ARHGEF12: variants seen among roughly 807,000 people sequenced by gnomAD.
ARHGEF12 encodes KMT2A/ARHGEF12 fusion protein.
ARHGEF12 carries 66 observed loss-of-function variants against 211.2 expected under a neutral mutation model. The ratio of observed to expected loss-of-function variants is 0.31; its 90% CI spans 0.26 to 0.38. The LOEUF is 0.38. Among genes scored for constraint, ARHGEF12 ranks in the 10% least tolerant of loss-of-function variants. ARHGEF12 has a pLI of 1.00. For missense variants in ARHGEF12, 1,429 were observed against 1,869.5 expected (o/e 0.76, Z 4.34); for synonymous variants, 592 against 638.4 (o/e 0.93, Z 1.09).
rs144711858 is a variant in ARHGEF12 at position 120,478,898 on chromosome 11, C to T, written c.3766+509C>T. Among the ~76,000 whole-genome samples the T allele has an allele frequency of 7.0e-3, 1,069 of 152,274 alleles. 17 individuals carry two copies. The highest frequency in any genetic ancestry group is 0.024 in the African/African-American group (1,007 of 41,536). ...GTCATCAAATGCTTAAAATAATTGA[C>T]TTCTTTGAATGTGAGGTCAAAGGAA... On this transcript the variant is annotated intron_variant, in intron 37 of 40. Coordinates refer to ENST00000397843, the MANE Select transcript of ARHGEF12 (RefSeq NM_015313.3).
At chr11:120,375,534 G>A (rs976068553) in intron 1 of ARHGEF12, among the ~76,000 whole-genome samples, 10 of 147,526 alleles carry the variant, frequency 6.8e-5, no homozygotes, top group South Asian at 2.1e-4. Flanking sequence ...AGTGTTCCAA[G>A]TTCTGATGGG....
chr11:120,446,483 G>C lies in ARHGEF12; in HGVS notation c.1426G>C (p.Val476Leu), dbSNP rs752848440. The change falls in exon 17 of 41, where the codon GTT (valine) becomes CTT (leucine). Residue 476 changes from valine to leucine, a missense_variant. Physicochemically the swap from Val to Leu is conservative, Grantham distance 32. Coordinates refer to ENST00000397843, the MANE Select transcript of ARHGEF12 (RefSeq NM_015313.3). ...QTMQERVHPE[V>L]QRHLEDFRQK... ...TATGCAAGAAAGAGTCCATCCAGAA[G>C]TTCAAAGGCACTTAGAAGATTTTCG... is the stretch of plus-strand genomic sequence containing the variant. The C allele has an allele frequency of 6.2e-7, 1 of 1,613,124 alleles. No homozygotes were observed. The highest frequency in any genetic ancestry group is 8.5e-7 in the Non-Finnish European group (1 of 1,179,562).
intron 1 of ARHGEF12, among the ~76,000 whole-genome samples, chr11:120,342,150 T>G (rs547044233): frequency 2.0e-5 from 3 of 152,300 alleles, no homozygotes; most frequent in East Asian, 1.9e-4. Context: ...ATTATTGTCT[T>G]TCTTTGTACT....
At chr11:120,392,615 C>T (rs116773617) in intron 1 of ARHGEF12, among the ~76,000 whole-genome samples, 1,974 of 152,276 alleles carry the variant, frequency 0.013, 50 homozygotes, top group African/African-American at 0.046. Flanking sequence ...ACGTAGGCTT[C>T]AGAGATTTTT....
Position 120,431,818 on chromosome 11 carries a change from A to G in ARHGEF12, c.831A>G (p.Thr277=). The G allele has an allele frequency of 6.2e-7, 1 of 1,614,026 alleles. No homozygotes were observed. Among genetic ancestry groups the G allele is most frequent in the Non-Finnish European group, 8.5e-7 (1 of 1,179,918 alleles). Residue 277 remains threonine (T), a synonymous_variant, in exon 11 of 41, where the codon ACA becomes ACG. Transcript: ENST00000397843. ...TPSRPLGDTL[T]VSEAETDPGD... ...CCAGACCTTTAGGGGACACCCTAAC[A>G]GTCAGTGAGGCAGAAACAGATCCTG... is the stretch of plus-strand genomic sequence containing the variant.
intron 1 of ARHGEF12, among the ~76,000 whole-genome samples, chr11:120,350,376 A>G (rs866193727): frequency 3.9e-5 from 6 of 152,202 alleles, no homozygotes; most frequent in African/African-American, 1.2e-4. Flanking sequence ...TTAGCCGAGT[A>G]TGGTGGTGGG....
chr11:120,458,396 G>A (rs1273162320), intron 25 of ARHGEF12, 162 bp downstream of exon 25: 32 of 684,174 alleles, frequency 4.7e-5, no homozygotes, highest in East Asian at 9.5e-5. Context: ...TCAAGAAAAT[G>A]CAAATGTTTC....
intron 22 of ARHGEF12, among the ~76,000 whole-genome samples, chr11:120,452,823 C>T (rs1565493372): frequency 1.3e-5 from 2 of 151,930 alleles, no homozygotes; most frequent in Admixed American, 6.6e-5. Flanking sequence ...TGGTGAAACC[C>T]GGTCTCTACT....
In ARHGEF12 at chr11:120,485,926, T is replaced by C. The variant is rs1947385678; in HGVS notation, c.*849T>C. ...GGGTGGGAGAGGAAAGCAAATTTTA[T>C]TTTCTTGACTATAAATTTGTTATTC... is the stretch of plus-strand genomic sequence containing the variant. On this transcript the variant is annotated 3_prime_UTR_variant, in exon 41 of 41. Transcript: ENST00000397843. 4.3e-6 allele frequency: 1 copy of C among 233,474 alleles called. No homozygotes were observed. Among genetic ancestry groups the C allele is most frequent in the South Asian group, 1.8e-4 (1 of 5,538 alleles). The allele number at this position is 233,474 out of a possible 1,614,324, so 14.5% of individuals were successfully genotyped here. A position where few individuals can be genotyped will look rare whatever the true frequency, so the allele number is the denominator to read the frequency against.
chr11:120,338,254 C>T (rs1352944833), intron 1 of ARHGEF12, among the ~76,000 whole-genome samples: 2 of 152,204 alleles, frequency 1.3e-5, no homozygotes, highest in Non-Finnish European at 2.9e-5. Flanking sequence ...GATCAAGTAA[C>T]TGAATTAGAG....
chr11:120,386,722 A>G (rs1477801152), intron 1 of ARHGEF12, among the ~76,000 whole-genome samples: 5 of 152,124 alleles, frequency 3.3e-5, no homozygotes, highest in Non-Finnish European at 7.4e-5. Flanking sequence ...TACATAAGCT[A>G]CTACATTTAA....
In ARHGEF12 at chr11:120,481,364, G is replaced by C. The variant is rs1947230038; in HGVS notation, c.4342G>C (p.Val1448Leu). 1 of 1,614,040 alleles carries C rather than the reference G, an allele frequency of 6.2e-7. No individual in the cohort carries two copies. Among genetic ancestry groups the C allele is most frequent in the Non-Finnish European group, 8.5e-7 (1 of 1,180,046 alleles). Reference sequence around the variant, plus strand: ...GCAGCCCATGACAGGCATCCCTGCTGTGGAATCCACCCACCAGCAGCAACA... The same window carrying C: ...GCAGCCCATGACAGGCATCCCTGCTCTGGAATCCACCCACCAGCAGCAACA... ...TLQPMTGIPA[V>L]ESTHQQQHSP... Residue 1448 changes from valine (V) to leucine (L), a missense_variant, in exon 39 of 41, where the codon GTG becomes CTG. Physicochemically the swap from Val to Leu is conservative, Grantham distance 32. Around this residue, in one of 7 missense-constraint regions of ARHGEF12, gnomAD observed 467 missense variants for 468.4 expected, o/e 1.00. Transcript: ENST00000397843.
rs930482804 is a variant in ARHGEF12, at chr11:120,441,785, C to T, written c.1171C>T (p.His391Tyr). ...RPAHLAVFLH[H>Y]VVSQFDPATL... The stretch of plus-strand genomic sequence containing the variant: ...GGCTCATTTGGCTGTTTTCTTACAC[C>T]ATGTAGTTTCACAATTTGACCCTGC... Residue 391 changes from histidine to tyrosine, a missense_variant, in exon 14 of 41, where the codon CAT (histidine) becomes TAT (tyrosine). By Grantham distance (83) the His-to-Tyr change is moderately conservative. Around this residue, in one of 7 missense-constraint regions of ARHGEF12, gnomAD observed 11 missense variants for 32.9 expected, o/e 0.33. Coordinates refer to ENST00000397843, the MANE Select transcript of ARHGEF12 (RefSeq NM_015313.3). The T allele has an allele frequency of 6.2e-7, 1 of 1,613,754 alleles. No individual in the cohort carries two copies. Among genetic ancestry groups the T allele is most frequent in the Non-Finnish European group, 8.5e-7 (1 of 1,179,752 alleles).
At chr11:120,404,244 T>C (rs1203998717) in intron 1 of ARHGEF12, among the ~76,000 whole-genome samples, 1 of 152,026 alleles carries the variant, frequency 6.6e-6, no homozygotes, top group African/African-American at 2.4e-5. Flanking sequence ...ATTCAGCATG[T>C]GGTAGGGATT....
intron 1 of ARHGEF12, among the ~76,000 whole-genome samples, chr11:120,379,818 G>T (rs1943829762): frequency 6.6e-6 from 1 of 151,840 alleles, no homozygotes; most frequent in Admixed American, 6.6e-5. Flanking sequence ...TCTTTATTAT[G>T]TATTATGTAT....
At chr11:120,394,079 G>T (rs1285496581) in intron 1 of ARHGEF12, among the ~76,000 whole-genome samples, 1 of 152,002 alleles carries the variant, frequency 6.6e-6, no homozygotes, top group Non-Finnish European at 1.5e-5. Flanking sequence ...AATAAAAAAG[G>T]AAATGGCAAA....
At chr11:120,389,349 G>A (rs1280626848) in intron 1 of ARHGEF12, among the ~76,000 whole-genome samples, 1 of 152,078 alleles carries the variant, frequency 6.6e-6, no homozygotes, top group African/African-American at 2.4e-5. Flanking sequence ...CGTAGATTGT[G>A]CTTTTGCTAT....
At chr11:120,444,811 A>T (rs1945995553) in intron 15 of ARHGEF12, among the ~76,000 whole-genome samples, 1 of 152,210 alleles carries the variant, frequency 6.6e-6, no homozygotes, top group South Asian at 2.1e-4. Context: ...GAATAAGTAA[A>T]TTCTAAGATA....
Position 120,450,067 on chromosome 11 carries a change from G to A in ARHGEF12, c.1843+853G>A, listed in dbSNP as rs375163909. On this transcript the variant is annotated intron_variant, in intron 21 of 40. Coordinates refer to ENST00000397843, the MANE Select transcript of ARHGEF12 (RefSeq NM_015313.3). ...CATGTGATGGTTCTTATCTCAGGCA[G>A]TAGCACATTTGAAAATACTGAAGCC... 5 of 152,212 alleles carry A rather than the reference G, an allele frequency of 3.3e-5. No individual in the cohort carries two copies. In the South Asian group the frequency reaches 8.3e-4, roughly 25 times the overall value. The allele number at this position is 152,212 out of a possible 1,614,324, so 9.4% of individuals were successfully genotyped here.
Sources: allele counts gnomAD v4.1 joint callset (sites outside exome capture counted in the v4.1 genomes callset), GRCh38; gene constraint gnomAD v4.1.1; regional missense constraint gnomAD v4.1.1; transcripts MANE v1.5; gene names NCBI Gene and HGNC (gene_info 2026-07-23, HGNC 2026-07-21).